CCSER1: variants seen among roughly 807,000 people sequenced by gnomAD.
The protein encoded by CCSER1 is coiled-coil serine rich protein 1, also known as serine-rich coiled-coil domain-containing protein 1.
Under a neutral mutation model 82.0 loss-of-function variants are expected in CCSER1, and 41 were observed. The ratio of observed to expected loss-of-function variants is 0.50; its 90% CI spans 0.39 to 0.65. CCSER1 has a LOEUF of 0.65. Ranked by LOEUF, CCSER1 falls within the 30% of genes least tolerant of loss-of-function variation. CCSER1 has a pLI of 0.00. For missense variants in CCSER1, 1,119 were observed against 1,064.2 expected (o/e 1.05, Z -0.72); for synonymous variants, 414 against 383.9 (o/e 1.08, Z -0.92).
At chr4:91,163,893 T>A (rs114152499) in intron 10 of CCSER1, among the ~76,000 whole-genome samples, 4,705 of 152,194 alleles carry the variant, frequency 0.031, 218 homozygotes, top group African/African-American at 0.11. Context: ...AATTTGGGAG[T>A]CTGTGTCTTT....
chr4:90,437,310 T>A lies in CCSER1; in HGVS notation c.1604-30924T>A, dbSNP rs184958362. On this transcript the variant is annotated intron_variant, in intron 4 of 10. Transcript: ENST00000509176. Reference sequence around the variant, plus strand: ...ACACATATATATATACACACAGATATAGGTGTTTTAGTGTACATATATAAT... The same window carrying A: ...ACACATATATATATACACACAGATAAAGGTGTTTTAGTGTACATATATAAT... Among the ~76,000 whole-genome samples the A allele has an allele frequency of 3.3e-5, 5 of 152,028 alleles. No homozygotes were observed. The East Asian group carries it at 9.7e-4, about 30-fold the overall frequency.
chr4:90,890,555 T>A (rs1041425875), intron 8 of CCSER1, among the ~76,000 whole-genome samples: 1 of 152,178 alleles, frequency 6.6e-6, no homozygotes, highest in East Asian at 1.9e-4. Context: ...AACATGGGCA[T>A]GCCCAGCTTT....
chr4:90,365,620 G>C (rs1201717904), intron 3 of CCSER1, among the ~76,000 whole-genome samples: 2 of 151,624 alleles, frequency 1.3e-5, no homozygotes, highest in Non-Finnish European at 3.0e-5. Flanking sequence ...ATATGCAAAG[G>C]GTTATTGGAC....
intron 10 of CCSER1, among the ~76,000 whole-genome samples, chr4:91,201,857 G>T (rs1735926052): frequency 1.3e-5 from 2 of 151,906 alleles, no homozygotes; most frequent in South Asian, 4.1e-4. Context: ...TTGTCATAAT[G>T]ACTCAAATAT....
chr4:91,125,514 AG>A (rs1727433107), intron 10 of CCSER1, among the ~76,000 whole-genome samples: 1 of 151,716 alleles, frequency 6.6e-6, no homozygotes, highest in African/African-American at 2.4e-5. Flanking sequence ...TTGCTTTACA[AG>A]AGGATGTTTT....
intron 5 of CCSER1, among the ~76,000 whole-genome samples, chr4:90,524,571 C>T (rs1415118881): frequency 3.3e-5 from 5 of 152,048 alleles, no homozygotes; most frequent in Admixed American, 1.3e-4. Flanking sequence ...CAGGTACAAG[C>T]GATTCTCCTG....
chr4:90,539,184 A>G (rs1306669556), intron 5 of CCSER1, among the ~76,000 whole-genome samples: 2 of 152,056 alleles, frequency 1.3e-5, no homozygotes, highest in African/African-American at 4.8e-5. Context: ...GCTTTCTTTT[A>G]TAATCCTAGG....
At chr4:91,066,078 G>C (rs10023304) in intron 9 of CCSER1, among the ~76,000 whole-genome samples, 138,064 of 152,206 alleles carry the variant, frequency 0.91, 62,775 homozygotes, top group African/African-American at 0.93. Context: ...TTTTCTAATT[G>C]CTTTCAATTG....
chr4:91,549,143 T>G (rs1762037420), intron 10 of CCSER1, among the ~76,000 whole-genome samples: 1 of 152,130 alleles, frequency 6.6e-6, no homozygotes, highest in South Asian at 2.1e-4. Context: ...CCATGTATAG[T>G]CTACTAATAA....
chr4:91,526,338 C>T (rs754225167), intron 10 of CCSER1, among the ~76,000 whole-genome samples: 1 of 152,166 alleles, frequency 6.6e-6, no homozygotes, highest in Non-Finnish European at 1.5e-5. Flanking sequence ...AAGCCCCCTA[C>T]TTCAAGTCAT....
chr4:90,724,904 T>C (rs1178779165), intron 7 of CCSER1: 1 of 323,200 alleles, frequency 3.1e-6, no homozygotes, highest in Non-Finnish European at 6.1e-6. Flanking sequence ...GATTTTCATA[T>C]ATTCAATATT....
intron 9 of CCSER1, among the ~76,000 whole-genome samples, chr4:91,016,054 T>C (rs2150513922): frequency 6.6e-6 from 1 of 152,156 alleles, no homozygotes; most frequent in South Asian, 2.1e-4. Context: ...ACGAGTTCTC[T>C]GTCTACATTT....
At chr4:90,169,619 T>C (rs1731245413) in intron 1 of CCSER1, among the ~76,000 whole-genome samples, 2 of 152,042 alleles carry the variant, frequency 1.3e-5, no homozygotes, top group South Asian at 4.1e-4. Flanking sequence ...ATTTGAAAAC[T>C]TGTGAAACTG....
chr4:90,558,673 T>C (rs1234075479), intron 5 of CCSER1, among the ~76,000 whole-genome samples: 5 of 152,286 alleles, frequency 3.3e-5, no homozygotes. Flanking sequence ...TCAGTATCTT[T>C]GTCTGAAAGG....
chr4:91,345,866 G>A (rs181637199), intron 10 of CCSER1, among the ~76,000 whole-genome samples: 74 of 152,002 alleles, frequency 4.9e-4, no homozygotes, highest in Non-Finnish European at 3.4e-4. Flanking sequence ...CAAACTCCTG[G>A]CAACCACTGA....
intron 1 of CCSER1, among the ~76,000 whole-genome samples, chr4:90,255,483 T>G (rs1328376696): frequency 6.6e-6 from 1 of 152,172 alleles, no homozygotes; most frequent in Non-Finnish European, 1.5e-5. Flanking sequence ...TTGTTATAAA[T>G]TATGGTTATT....
At chr4:91,077,387 A>T (rs554737434) in intron 9 of CCSER1, among the ~76,000 whole-genome samples, 1 of 152,264 alleles carries the variant, frequency 6.6e-6, no homozygotes, top group African/African-American at 2.4e-5. Context: ...AATAAAATTT[A>T]TAATATCTGG....
rs1479456201 is a variant in CCSER1, at chr4:91,603,127, G to T, written c.*4070G>T. 1 of 152,000 alleles carries T rather than the reference G, an allele frequency of 6.6e-6. No homozygotes were observed. The highest frequency in any genetic ancestry group is 1.5e-5 in the Non-Finnish European group (1 of 67,964). The allele number at this position is 152,000 out of a possible 1,614,324, so 9.4% of individuals were successfully genotyped here. On this transcript the variant is annotated 3_prime_UTR_variant, in exon 11 of 11. Transcript: ENST00000509176. ...AAACTAGTTTTGGTTCTTATAAAAG[G>T]CTGATTTCAGTTAAGACTGGTCATT... is the stretch of plus-strand genomic sequence containing the variant.
At chr4:90,439,911 A>G (rs1433335147) in intron 4 of CCSER1, among the ~76,000 whole-genome samples, 2 of 152,148 alleles carry the variant, frequency 1.3e-5, no homozygotes, top group African/African-American at 4.8e-5. Flanking sequence ...TTGTTAAAAC[A>G]ATTATTTTTC....
Sources: gnomAD v4.1 joint callset for allele counts (sites outside exome capture counted in the v4.1 genomes callset) on GRCh38, gnomAD v4.1.1 for gene constraint, MANE v1.5 for transcripts, NCBI Gene and HGNC (gene_info 2026-07-23, HGNC 2026-07-21) for gene names.